C1orf94: variants seen among roughly 807,000 people sequenced by gnomAD.
C1orf94 encodes chromosome 1 open reading frame 94, also known as uncharacterized protein C1orf94.
In C1orf94, 45 loss-of-function variants were observed where a neutral mutation model predicts 53.6. The ratio of observed to expected loss-of-function variants is 0.84; its 90% CI spans 0.66 to 1.08. The LOEUF is 1.08. Ranked by LOEUF, C1orf94 falls within the 50% of genes least tolerant of loss-of-function variation. The pLI is 0.00. For synonymous variants in C1orf94, 304 were observed against 296.1 expected (o/e 1.03, Z -0.27); for missense variants, 762 against 738.9 (o/e 1.03, Z -0.36).
chr1:34,197,626 C>T lies in C1orf94; in HGVS notation c.722C>T (p.Ser241Phe). The change falls in exon 2 of 7, where the codon TCC becomes TTC. Residue 241 changes from serine (S) to phenylalanine (F), a missense_variant. Transcript: ENST00000488417. The surrounding 1 kb of genome is among the most constrained non-coding windows in gnomAD (Gnocchi z 4.1). The stretch of plus-strand genomic sequence containing the variant: ...AACTTGCAAGTCAGCAAGCTTCTGT[C>T]CCAGTTCCCACTGAAGTCCACTGAG... ...DSNLQVSKLL[S>F]QFPLKSTETS... The T allele has an allele frequency of 1.2e-6, 2 of 1,614,176 alleles. No homozygotes were observed. Among genetic ancestry groups the T allele is most frequent in the Non-Finnish European group, 1.7e-6 (2 of 1,180,024 alleles).
At chr1:34,178,142 G>C (rs771654093) in intron 1 of C1orf94, 33 bp downstream of exon 1, 1 of 1,532,774 alleles carries the variant, frequency 6.5e-7, no homozygotes, top group Non-Finnish European at 8.8e-7. Context: ...GGCAGCAAGG[G>C]AGGAGGGAGG....
chr1:34,178,466 C>T (rs1042661616), intron 1 of C1orf94, among the ~76,000 whole-genome samples: 1 of 152,226 alleles, frequency 6.6e-6, no homozygotes, highest in Admixed American at 6.5e-5. Context: ...TCCTTCCCCT[C>T]TCCCACCTAA....
At chr1:34,167,028 T>C (rs1431376855) in exon 1 of C1orf94, 1 of 152,072 alleles carries the variant, frequency 6.6e-6, no homozygotes, top group Non-Finnish European at 1.5e-5. Flanking sequence ...CAGCCAGAAC[T>C]CCTCAGTGAA....
intron 5 of C1orf94, 74 bp downstream of exon 5, chr1:34,208,308 C>CTGA: frequency 1.4e-6 from 2 of 1,431,452 alleles, no homozygotes; most frequent in Non-Finnish European, 1.9e-6. Context: ...TCTGCTCCCT[C>CTGA]CTCCTTTTCC....
At position 34,197,261 on chromosome 1, in the gene C1orf94, C is replaced by A. The variant is rs1642601607; in HGVS notation, c.357C>A (p.Ser119=). 6.5e-7 allele frequency: 1 copy of A among 1,548,158 alleles called. No homozygotes were observed. Among genetic ancestry groups the A allele is most frequent in the African/African-American group, 1.4e-5 (1 of 73,058 alleles). ...LELSSGKDEI[S]LLVEQEFLSL... is the part of the protein sequence containing the mutation. ...TCAGCAGTGGCAAAGATGAGATCTC[C>A]TTGTTGGTGGAACAGGAGTTCCTAA... is the stretch of plus-strand genomic sequence containing the variant. The change falls in exon 2 of 7, where the codon TCC becomes TCA. Residue 119 remains serine, a synonymous_variant. Coordinates refer to ENST00000488417, the MANE Select transcript of C1orf94 (RefSeq NM_001134734.2). The surrounding 1 kb of genome is among the most constrained non-coding windows in gnomAD (Gnocchi z 4.1).
rs1174226992 is a variant in C1orf94, at chr1:34,212,399, G to C, written c.1714G>C (p.Gly572Arg). 1 of 1,610,328 alleles carries C rather than the reference G, an allele frequency of 6.2e-7. No homozygotes were observed. The highest frequency in any genetic ancestry group is 2.2e-5 in the East Asian group (1 of 44,760). Reference sequence around the variant, plus strand: ...TGGACCGCAGTACCTCTTTCCCCAAGGATATGGGTGAGTCAGCCCACACTG... The same window carrying C: ...TGGACCGCAGTACCTCTTTCCCCAACGATATGGGTGAGTCAGCCCACACTG... The part of the protein sequence containing the change: ...GDGPQYLFPQ[G>R]YGFGSTSGGP... Residue 572 changes from glycine (G) to arginine (R), a missense_variant, in exon 6 of 7, where the codon GGA (glycine) becomes CGA (arginine). Gly to Arg is a moderately radical substitution (Grantham distance 125, BLOSUM62 -2). Transcript: ENST00000488417.
chr1:34,203,646 A>G (rs533416864), intron 4 of C1orf94, among the ~76,000 whole-genome samples: 1 of 152,316 alleles, frequency 6.6e-6, no homozygotes, highest in Non-Finnish European at 1.5e-5. Flanking sequence ...CTTGGCACAC[A>G]TTCTTGTTCT....
chr1:34,187,993 A>C (rs1642414934), intron 1 of C1orf94, among the ~76,000 whole-genome samples: 1 of 152,104 alleles, frequency 6.6e-6, no homozygotes, highest in Non-Finnish European at 1.5e-5. Flanking sequence ...CTGCAAGTGC[A>C]CCATTGCATC....
At chr1:34,168,030 T>TA (rs1642077532) in intron 1 of C1orf94, among the ~76,000 whole-genome samples, 1 of 152,092 alleles carries the variant, frequency 6.6e-6, no homozygotes, top group Non-Finnish European at 1.5e-5. Context: ...CACATAAAGT[T>TA]ACTAATTAAG....
intron 2 of C1orf94, among the ~76,000 whole-genome samples, chr1:34,198,549 T>A (rs1410061552): frequency 6.6e-6 from 1 of 152,244 alleles, no homozygotes; most frequent in East Asian, 1.9e-4. Flanking sequence ...TGTTCTGATC[T>A]AACCAGTCAG....
upstream of C1orf94, among the ~76,000 whole-genome samples, chr1:34,175,852 G>A (rs1443972695): frequency 1.3e-5 from 2 of 151,984 alleles, no homozygotes; most frequent in Non-Finnish European, 2.9e-5. Flanking sequence ...CTTCTCCCCA[G>A]TGCCTCACTT....
intron 1 of C1orf94, among the ~76,000 whole-genome samples, chr1:34,188,222 C>T (rs955719638): frequency 6.6e-6 from 1 of 152,022 alleles, no homozygotes; most frequent in Non-Finnish European, 1.5e-5. Flanking sequence ...GGAAGGGGGT[C>T]AAAGATGACA....
intron 1 of C1orf94, among the ~76,000 whole-genome samples, chr1:34,191,406 T>C (rs1677756): frequency 0.14 from 20,511 of 151,888 alleles, 1,939 homozygotes; most frequent in African/African-American, 0.27. Flanking sequence ...GACAGCCCTC[T>C]CCCTGACCTC....
Position 34,177,787 on chromosome 1 carries a change from T to C in C1orf94, c.-3T>C. 1.3e-6 allele frequency: 2 copies of C among 1,528,146 alleles called. No homozygotes were observed. The highest frequency in any genetic ancestry group is 1.8e-6 in the Non-Finnish European group (2 of 1,131,474). 94.7% of individuals were successfully genotyped at this position (1,528,146 alleles called of 1,614,324 possible). ...GCCCCATCCTCATCTCCCTTTCTGG[T>C]GAATGAGGGGTGGTGGTGGTTGTGT... On this transcript the variant is annotated 5_prime_UTR_variant, in exon 1 of 7. Transcript: ENST00000488417.
At position 34,192,542 on chromosome 1, in the gene C1orf94, T is replaced by C. The variant is rs193204595; in HGVS notation, c.321-4683T>C. Among the ~76,000 whole-genome samples the C allele has an allele frequency of 2.0e-5, 3 of 152,322 alleles. No individual in the cohort carries two copies. In the East Asian group the frequency reaches 5.8e-4, roughly 29 times the overall value. The stretch of plus-strand genomic sequence containing the variant: ...ACACATCCCGACTGAGCTGGAGTTA[T>C]GTGCCAAACACTGTTCTAGGTTTGG... On this transcript the variant is annotated intron_variant, in intron 1 of 6. Coordinates refer to ENST00000488417, the MANE Select transcript of C1orf94 (RefSeq NM_001134734.2).
In C1orf94 at chr1:34,197,735, C is replaced by T. The variant is rs771405561; in HGVS notation, c.831C>T (p.Gly277=). Residue 277 remains glycine (G), a synonymous_variant, in exon 2 of 7, where the codon GGC becomes GGT. Coordinates refer to ENST00000488417, the MANE Select transcript of C1orf94 (RefSeq NM_001134734.2). The surrounding 1 kb of genome is among the most constrained non-coding windows in gnomAD (Gnocchi z 4.1). ...TCCTACAGGACAACCTGTTCAGTGG[C>T]CCTGGACCCAAGGAGCCCACAGGGC... ...KDFLQDNLFS[G]PGPKEPTGLS... 13 of 1,614,156 alleles carry T rather than the reference C, an allele frequency of 8.1e-6. No homozygotes were observed. The South Asian group carries it at 1.4e-4, about 18-fold the overall frequency.
At chr1:34,169,468 GT>G (rs1374357349) in intron 1 of C1orf94, among the ~76,000 whole-genome samples, 1 of 152,164 alleles carries the variant, frequency 6.6e-6, no homozygotes, top group African/African-American at 2.4e-5. Context: ...TAAAATCAGA[GT>G]TTGATTTAGA....
Position 34,197,252 on chromosome 1 carries a change from T to A in C1orf94, c.348T>A (p.Asp116Glu). 2 of 1,543,808 alleles carry A rather than the reference T, an allele frequency of 1.3e-6. No homozygotes were observed. Among genetic ancestry groups the A allele is most frequent in the East Asian group, 2.5e-5 (1 of 40,714 alleles). The stretch of plus-strand genomic sequence containing the variant: ...CTCTGGAGCTCAGCAGTGGCAAAGA[T>A]GAGATCTCCTTGTTGGTGGAACAGG... ...EEALELSSGK[D>E]EISLLVEQEF... The change falls in exon 2 of 7, where the codon GAT becomes GAA. Residue 116 changes from aspartate to glutamate, a missense_variant. By Grantham distance (45) the Asp-to-Glu change is conservative. Coordinates refer to ENST00000488417, the MANE Select transcript of C1orf94 (RefSeq NM_001134734.2). This position sits in a 1 kb window ranked among gnomAD's most constrained non-coding sequence, Gnocchi z 4.1.
intron 1 of C1orf94, among the ~76,000 whole-genome samples, chr1:34,169,628 AGAGAGAGT>A (rs879360379): frequency 0.034 from 3,237 of 95,010 alleles, 111 homozygotes; most frequent in Middle Eastern, 0.041. Flanking sequence ...AGAGAGAGAG[AGAGAGAGT>A]GAGCAAATGG....
Sources: gnomAD v4.1 joint callset for allele counts (sites outside exome capture counted in the v4.1 genomes callset) on GRCh38, gnomAD v4.1.1 for gene constraint, Gnocchi (gnomAD v3.1) non-coding constraint, MANE v1.5 for transcripts, NCBI Gene and HGNC (gene_info 2026-07-23, HGNC 2026-07-21) for gene names.